Variants in MAML3 observed in about 807,000 individuals in gnomAD.
MAML3 encodes the protein mastermind-like protein 3.
A neutral mutation model predicts 101.9 loss-of-function variants in MAML3; 27 were observed. The observed-to-expected ratio is 0.27, with a 90% CI of 0.20 to 0.37. MAML3 has a LOEUF of 0.37. Ranked by LOEUF, MAML3 falls within the 10% of genes least tolerant of loss-of-function variation. The probability of loss-of-function intolerance (pLI) is 1.00; values close to 1 mark genes in which losing one functional copy is unlikely to be tolerated. For synonymous variants in MAML3, 501 were observed against 555.9 expected (o/e 0.90, Z 1.39); for missense variants, 1,316 against 1,444.9 (o/e 0.91, Z 1.45).
intron 2 of MAML3, among the ~76,000 whole-genome samples, chr4:139,862,261 A>C (rs1285355575): frequency 6.6e-6 from 1 of 152,170 alleles, no homozygotes; most frequent in Admixed American, 6.5e-5. Context: ...CCAGCCCCAG[A>C]GATTAAGAGT....
intron 1 of MAML3, among the ~76,000 whole-genome samples, chr4:139,932,297 T>G (rs1733417039): frequency 6.6e-6 from 1 of 152,064 alleles, no homozygotes; most frequent in African/African-American, 2.4e-5. Flanking sequence ...TAATTTGAAC[T>G]AACTGGAATG....
intron 2 of MAML3, among the ~76,000 whole-genome samples, chr4:139,775,352 A>G (rs1730072920): frequency 6.6e-6 from 1 of 152,216 alleles, no homozygotes; most frequent in Non-Finnish European, 1.5e-5. Flanking sequence ...TGGGGTACAA[A>G]GGATGAGAGT....
chr4:139,746,603 C>T (rs538546376), intron 2 of MAML3, among the ~76,000 whole-genome samples: 50 of 152,274 alleles, frequency 3.3e-4, no homozygotes, highest in African/African-American at 1.1e-3. Context: ...CTGTCTCTCT[C>T]GCTCTGCGGG....
chr4:139,885,480 A>G (rs1387009494), intron 2 of MAML3, among the ~76,000 whole-genome samples: 3 of 152,146 alleles, frequency 2.0e-5, no homozygotes, highest in Non-Finnish European at 4.4e-5. Context: ...TACATATTCT[A>G]TGCCTGTAAC....
In MAML3 at chr4:140,096,284, G is replaced by T. The variant is rs182764639; in HGVS notation, c.468+56576C>A. On this transcript the variant is annotated intron_variant, in intron 1 of 4. Coordinates refer to ENST00000509479, the MANE Select transcript of MAML3 (RefSeq NM_018717.5). ...TCAACCAGGACAGGAAACTGGAGATGATTAGACATCCTTTATTCTCCAAGG... is the reference window on the plus strand; with the variant it reads ...TCAACCAGGACAGGAAACTGGAGATTATTAGACATCCTTTATTCTCCAAGG... 9.1e-4 allele frequency among the ~76,000 whole-genome samples: 139 copies of T among 152,322 alleles called. 1 individual carries two copies. The highest frequency in any genetic ancestry group is 3.4e-3 in the Middle Eastern group (1 of 294).
In MAML3 at chr4:139,889,352, C is replaced by T; in HGVS notation, c.2079+5G>A. The T allele has an allele frequency of 6.2e-7, 1 of 1,614,060 alleles. No individual in the cohort carries two copies. The highest frequency in any genetic ancestry group is 8.5e-7 in the Non-Finnish European group (1 of 1,179,910). On this transcript the variant is annotated splice_donor_5th_base_variant and intron_variant, in intron 2 of 4. Coordinates refer to ENST00000509479, the MANE Select transcript of MAML3 (RefSeq NM_018717.5). ...GCTCGAAGAGTGTGTCACTTTCACACTTACCTGACCGTGGGATGGAAGTGC... is the reference window on the plus strand; with the variant it reads ...GCTCGAAGAGTGTGTCACTTTCACATTTACCTGACCGTGGGATGGAAGTGC...
chr4:140,042,484 A>G (rs369793805), intron 1 of MAML3, among the ~76,000 whole-genome samples: 184 of 152,174 alleles, frequency 1.2e-3, no homozygotes, highest in African/African-American at 4.3e-3. Context: ...AATACAAAAA[A>G]TTAGCTGGGT....
At chr4:139,726,481 G>A (rs1156538620) in intron 3 of MAML3, among the ~76,000 whole-genome samples, 1 of 152,172 alleles carries the variant, frequency 6.6e-6, no homozygotes, top group South Asian at 2.1e-4. Flanking sequence ...GCTGAGGGAA[G>A]GGGTTTTGAC....
chr4:139,782,426 C>T (rs1457041989), intron 2 of MAML3, among the ~76,000 whole-genome samples: 1 of 152,174 alleles, frequency 6.6e-6, no homozygotes, highest in African/African-American at 2.4e-5. Context: ...CTCAGCCTCC[C>T]AAAGTGCTAG....
chr4:139,842,097 C>T (rs750524846), intron 2 of MAML3, among the ~76,000 whole-genome samples: 1 of 152,144 alleles, frequency 6.6e-6, no homozygotes, highest in African/African-American at 2.4e-5. Flanking sequence ...GGGGGCAGTA[C>T]CTGCAGACAA....
chr4:139,780,458 C>T, intron 2 of MAML3, among the ~76,000 whole-genome samples: 1 of 152,172 alleles, frequency 6.6e-6, no homozygotes, highest in Non-Finnish European at 1.5e-5. Context: ...CTTAACCAAC[C>T]TCAAATGTGC....
chr4:139,735,033 C>T lies in MAML3; in HGVS notation c.2080-4366G>A, dbSNP rs1728878315. Among the ~76,000 whole-genome samples, 1 of 152,180 alleles carries T rather than the reference C, an allele frequency of 6.6e-6. No individual in the cohort carries two copies. Among genetic ancestry groups the T allele is most frequent in the Admixed American group, 6.5e-5 (1 of 15,284 alleles). On this transcript the variant is annotated intron_variant, in intron 2 of 4. Coordinates refer to ENST00000509479, the MANE Select transcript of MAML3 (RefSeq NM_018717.5). The surrounding 1 kb of genome is among the most constrained non-coding windows in gnomAD (Gnocchi z 5.8). ...CCGCCGCTGCGCCCGCGCCCCCTCC[C>T]CTCGCAGATGGCTTAATCAGGGCTC...
intron 2 of MAML3, among the ~76,000 whole-genome samples, chr4:139,850,643 C>G (rs568945228): frequency 7.4e-6 from 1 of 135,652 alleles, no homozygotes; most frequent in East Asian, 3.7e-4. Context: ...AAACGACCCT[C>G]GATCCTCCCA....
At chr4:140,113,995 C>T (rs1362704228) in intron 1 of MAML3, among the ~76,000 whole-genome samples, 1 of 152,176 alleles carries the variant, frequency 6.6e-6, no homozygotes, top group Non-Finnish European at 1.5e-5. Flanking sequence ...TCACTGAACT[C>T]ATTTTCCCAC....
At chr4:140,097,274 C>T (rs189365729) in intron 1 of MAML3, among the ~76,000 whole-genome samples, 163 of 152,288 alleles carry the variant, frequency 1.1e-3, no homozygotes, top group African/African-American at 3.7e-3. Flanking sequence ...AAATGATAAT[C>T]TTCTTTTGGT....
chr4:140,073,900 G>A (rs1326518745), intron 1 of MAML3, among the ~76,000 whole-genome samples: 2 of 151,842 alleles, frequency 1.3e-5, no homozygotes, highest in South Asian at 2.1e-4. Context: ...TTGGGAGGCC[G>A]AGGCGGGCAG....
intron 1 of MAML3, among the ~76,000 whole-genome samples, chr4:139,948,583 C>T (rs1280326373): frequency 6.6e-6 from 1 of 152,172 alleles, no homozygotes; most frequent in African/African-American, 2.4e-5. Flanking sequence ...GGATTATGAA[C>T]CGAATTCCCT....
chr4:140,018,306 A>C (rs1203059937), intron 1 of MAML3, among the ~76,000 whole-genome samples: 1 of 152,222 alleles, frequency 6.6e-6, no homozygotes, highest in Non-Finnish European at 1.5e-5. Context: ...TGGAAAATGA[A>C]TGTGCAAATA....
intron 1 of MAML3, among the ~76,000 whole-genome samples, chr4:139,920,463 A>G (rs1174167184): frequency 6.6e-6 from 1 of 152,224 alleles, no homozygotes; most frequent in Non-Finnish European, 1.5e-5. Flanking sequence ...AATCCACAGA[A>G]AGAACATTCT....
Sources: allele counts gnomAD v4.1 joint callset (sites outside exome capture counted in the v4.1 genomes callset), GRCh38; gene constraint gnomAD v4.1.1; non-coding constraint Gnocchi (gnomAD v3.1); transcripts MANE v1.5; gene names NCBI Gene and HGNC (gene_info 2026-07-23, HGNC 2026-07-21).